Variants in PIP5K1B observed in about 807,000 individuals in gnomAD.
The protein encoded by PIP5K1B is phosphatidylinositol-4-phosphate 5-kinase type 1 beta.
In PIP5K1B, 42 loss-of-function variants were observed where a neutral mutation model predicts 67.0. That is an observed-to-expected ratio of 0.63 (90% confidence interval 0.49 to 0.81). The LOEUF (loss-of-function observed/expected upper bound fraction) is 0.81. Ranked by LOEUF, PIP5K1B falls within the 30% of genes least tolerant of loss-of-function variation. The pLI is 0.00. For missense variants in PIP5K1B, 459 were observed against 646.3 expected (o/e 0.71, Z 3.14); for synonymous variants, 214 against 231.4 (o/e 0.92, Z 0.68).
At chr9:68,992,675 A>T (rs1830430480) in intron 15 of PIP5K1B, among the ~76,000 whole-genome samples, 1 of 151,470 alleles carries the variant, frequency 6.6e-6, no homozygotes. Flanking sequence ...CCCCATCTCT[A>T]CTAAAAATAG....
intron 4 of PIP5K1B, among the ~76,000 whole-genome samples, chr9:68,851,307 A>G (rs941733386): frequency 6.6e-6 from 1 of 152,212 alleles, no homozygotes; most frequent in Non-Finnish European, 1.5e-5. Context: ...TTAAATATAA[A>G]GTGGATCTGT....
intron 14 of PIP5K1B, among the ~76,000 whole-genome samples, chr9:68,986,117 G>A (rs1830085267): frequency 2.0e-5 from 3 of 152,288 alleles, no homozygotes; most frequent in East Asian, 3.9e-4. Flanking sequence ...ATATGTATGT[G>A]GGAGTGGAAT....
At chr9:68,952,866 T>C (rs949757452) in intron 14 of PIP5K1B, among the ~76,000 whole-genome samples, 1 of 151,460 alleles carries the variant, frequency 6.6e-6, no homozygotes, top group African/African-American at 2.4e-5. Context: ...TTTCTTTCTT[T>C]CTTCCTATTA....
At chr9:68,905,746 A>T (rs969547808) in intron 8 of PIP5K1B, among the ~76,000 whole-genome samples, 8 of 152,174 alleles carry the variant, frequency 5.3e-5, no homozygotes, top group Non-Finnish European at 1.2e-4. Flanking sequence ...TTATTCATTC[A>T]ACATCCAGGG....
chr9:68,747,038 G>A (rs552260934), intron 2 of PIP5K1B, among the ~76,000 whole-genome samples: 4 of 152,066 alleles, frequency 2.6e-5, no homozygotes, highest in East Asian at 1.9e-4. Context: ...GAAGGAAGGC[G>A]CTGGACTTGA....
At chr9:68,946,411 T>C (rs777371910) in intron 14 of PIP5K1B, among the ~76,000 whole-genome samples, 1 of 151,988 alleles carries the variant, frequency 6.6e-6, no homozygotes, top group Admixed American at 6.5e-5. Flanking sequence ...TTTGTTTTTT[T>C]TTTGAGACAG....
At chr9:69,000,900 T>TG (rs1345531785) in intron 15 of PIP5K1B, among the ~76,000 whole-genome samples, 2 of 150,790 alleles carry the variant, frequency 1.3e-5, no homozygotes, top group Non-Finnish European at 1.5e-5. Context: ...ACAACTTTTT[T>TG]TTTTTTTTTC....
In PIP5K1B at chr9:68,802,431, A is replaced by AATGGATGGATGG. The variant is rs377615270; in HGVS notation, c.-85-16011_-85-16000dup. The stretch of plus-strand genomic sequence containing the variant: ...GTGCCAGGCACTGTGATGGATAGAA[A>AATGGATGGATGG]ATGGATGGATGGATGGATGGATGGA... On this transcript the variant is annotated intron_variant, in intron 2 of 15. Transcript: ENST00000265382. Among the ~76,000 whole-genome samples, 480 of 152,100 alleles carry AATGGATGGATGG rather than the reference A, an allele frequency of 3.2e-3. 4 individuals are homozygous for AATGGATGGATGG. Among genetic ancestry groups the AATGGATGGATGG allele is most frequent in the African/African-American group, 0.011 (436 of 41,460 alleles).
chr9:68,782,613 T>C (rs1204667215), intron 2 of PIP5K1B: 1 of 167,082 alleles, frequency 6.0e-6, no homozygotes, highest in Non-Finnish European at 1.5e-5. Context: ...ATGGAACTGG[T>C]CAACTCTTGA....
intron 15 of PIP5K1B, among the ~76,000 whole-genome samples, chr9:68,999,882 A>C (rs1830743409): frequency 6.6e-6 from 1 of 152,176 alleles, no homozygotes; most frequent in Non-Finnish European, 1.5e-5. Flanking sequence ...ATGAAGAGCA[A>C]GTGTGTGTCT....
intron 2 of PIP5K1B, among the ~76,000 whole-genome samples, chr9:68,811,100 C>T (rs1388687607): frequency 2.6e-5 from 4 of 152,076 alleles, no homozygotes; most frequent in African/African-American, 9.7e-5. Context: ...TGCAGTAGAC[C>T]CTGACTACTT....
intron 2 of PIP5K1B, among the ~76,000 whole-genome samples, chr9:68,809,429 G>C (rs370258372): frequency 6.6e-6 from 1 of 152,050 alleles, no homozygotes; most frequent in Non-Finnish European, 1.5e-5. Flanking sequence ...CCTAAGAATA[G>C]CTCCCTAGGT....
chr9:69,000,162 G>A (rs931808003), intron 15 of PIP5K1B, among the ~76,000 whole-genome samples: 1 of 151,954 alleles, frequency 6.6e-6, no homozygotes, highest in Non-Finnish European at 1.5e-5. Context: ...TGGCAGATTG[G>A]GATTCAACAC....
At chr9:68,753,515 CTTTTTTTTTTT>C (rs71500334) in intron 2 of PIP5K1B, among the ~76,000 whole-genome samples, 7 of 38,282 alleles carry the variant, frequency 1.8e-4, no homozygotes, top group East Asian at 2.1e-3. Context: ...AATTTTGTTT[CTTTTTTTTTTT>C]TTTTTTTTTT....
intron 6 of PIP5K1B, among the ~76,000 whole-genome samples, chr9:68,884,481 G>A (rs10869451): frequency 0.38 from 58,248 of 151,610 alleles, 12,118 homozygotes; most frequent in Middle Eastern, 0.49. Flanking sequence ...TGGGCAACAT[G>A]GCAAAAACCC....
At chr9:68,715,488 A>G (rs1827591396) in intron 1 of PIP5K1B, among the ~76,000 whole-genome samples, 1 of 152,136 alleles carries the variant, frequency 6.6e-6, no homozygotes, top group South Asian at 2.1e-4. Flanking sequence ...GCATCGGTCG[A>G]CCACGCTTCA....
intron 14 of PIP5K1B, among the ~76,000 whole-genome samples, chr9:68,979,876 G>A (rs1829813765): frequency 6.6e-6 from 1 of 152,152 alleles, no homozygotes; most frequent in Admixed American, 6.5e-5. Context: ...TGGGAGAGTG[G>A]GGAAGAGCAG....
intron 7 of PIP5K1B, among the ~76,000 whole-genome samples, chr9:68,893,112 T>C (rs1226091758): frequency 6.6e-6 from 1 of 151,942 alleles, no homozygotes; most frequent in South Asian, 2.1e-4. Context: ...AACACATTTA[T>C]ATAACCAAAA....
intron 4 of PIP5K1B, among the ~76,000 whole-genome samples, chr9:68,835,226 T>C (rs1834539558): frequency 6.6e-6 from 1 of 152,152 alleles, no homozygotes; most frequent in Admixed American, 6.5e-5. Context: ...GAGTGTAGAC[T>C]TTATAGCTGC....
Sources: gnomAD v4.1 joint callset for allele counts (sites outside exome capture counted in the v4.1 genomes callset) on GRCh38, gnomAD v4.1.1 for gene constraint, MANE v1.5 for transcripts, NCBI Gene and HGNC (gene_info 2026-07-23, HGNC 2026-07-21) for gene names.